Variants in PARD3B observed in about 807,000 individuals in gnomAD.
The protein encoded by PARD3B is partitioning defective 3 homolog B.
Under a neutral mutation model 130.2 loss-of-function variants are expected in PARD3B, and 103 were observed. That is an observed-to-expected ratio of 0.79 (90% CI 0.67 to 0.93). The LOEUF (loss-of-function observed/expected upper bound fraction) is 0.93. PARD3B is among the 40% of genes least tolerant of loss of function. The pLI is 0.00. For synonymous variants in PARD3B, 583 were observed against 553.2 expected, an observed-to-expected ratio of 1.05 and a Z score of -0.76; for missense variants, 1,609 against 1,499.2, an observed-to-expected ratio of 1.07 and a Z score of -1.21.
chr2:205,543,085 A>C (rs1243961031), intron 21 of PARD3B, among the ~76,000 whole-genome samples: 4 of 152,240 alleles, frequency 2.6e-5, no homozygotes, highest in Admixed American at 1.3e-4. Flanking sequence ...TCATTGGCTC[A>C]GTAAATATTA....
intron 16 of PARD3B, among the ~76,000 whole-genome samples, chr2:205,255,523 A>G (rs1469157133): frequency 1.3e-5 from 2 of 152,096 alleles, no homozygotes; most frequent in Non-Finnish European, 2.9e-5. Context: ...TTAAGCTCTT[A>G]GTTCCACAAG....
intron 3 of PARD3B, among the ~76,000 whole-genome samples, chr2:205,004,087 A>T (rs1399178111): frequency 6.6e-6 from 1 of 152,190 alleles, no homozygotes. Flanking sequence ...GTAATTCAGG[A>T]TCCAGGCTAG....
At chr2:204,716,318 G>A (rs146798997) in intron 2 of PARD3B, among the ~76,000 whole-genome samples, 4 of 152,092 alleles carry the variant, frequency 2.6e-5, no homozygotes, top group East Asian at 3.9e-4. Flanking sequence ...AGAGTCTTGG[G>A]CCCCACTCTG....
rs529503764 is a variant in PARD3B at position 205,008,460 on chromosome 2, G to T, written c.395-39121G>T. ...TTTTCCTTTAAATGGAAAAAAATGT[G>T]CCTTTCACTGCCCTCAACAACGTTG... On this transcript the variant is annotated intron_variant, in intron 3 of 22. Coordinates refer to ENST00000406610, the MANE Select transcript of PARD3B (RefSeq NM_001302769.2). 2.0e-5 allele frequency among the ~76,000 whole-genome samples: 3 copies of T among 152,112 alleles called. No individual in the cohort carries two copies. In the East Asian group the frequency reaches 5.8e-4, roughly 29 times the overall value.
rs3048088 is a variant in PARD3B, at chr2:205,302,065, CTTTTTTTT to C, written c.2630+380_2630+387del. ...CTATTCTTTTTTTCTTTTTTCTTTTCTTTTTTTTTTTTTTTTTTTTTTTGAGACAGTCG... is the reference window on the plus strand; with the variant it reads ...CTATTCTTTTTTTCTTTTTTCTTTTCTTTTTTTTTTTTTTTGAGACAGTCG... On this transcript the variant is annotated intron_variant, in intron 18 of 22. Coordinates refer to ENST00000406610, the MANE Select transcript of PARD3B (RefSeq NM_001302769.2). 6.6e-3 allele frequency among the ~76,000 whole-genome samples: 513 copies of C among 77,788 alleles called. 5 individuals are homozygous for C. Among genetic ancestry groups the C allele is most frequent in the Non-Finnish European group, 9.0e-3 (407 of 45,050 alleles). 51.0% of individuals were successfully genotyped at this position (77,788 alleles called of 152,430 possible).
At chr2:205,041,882 C>T (rs1698418605) in intron 3 of PARD3B, among the ~76,000 whole-genome samples, 1 of 152,048 alleles carries the variant, frequency 6.6e-6, no homozygotes, top group Non-Finnish European at 1.5e-5. Flanking sequence ...TGGTTTCAAT[C>T]TCTATAACTG....
intron 1 of PARD3B, among the ~76,000 whole-genome samples, chr2:204,551,625 T>G (rs1162346325): frequency 6.6e-6 from 1 of 152,020 alleles, no homozygotes; most frequent in Non-Finnish European, 1.5e-5. Flanking sequence ...TAGGGTTTGC[T>G]GAACCGGGTT....
At chr2:204,927,622 T>C (rs939318013) in intron 2 of PARD3B, among the ~76,000 whole-genome samples, 4 of 151,998 alleles carry the variant, frequency 2.6e-5, no homozygotes, top group Non-Finnish European at 5.9e-5. Context: ...GTTAAACTCA[T>C]GTAGTAATGG....
chr2:204,771,956 A>AT (rs1390683429), intron 2 of PARD3B, among the ~76,000 whole-genome samples: 22 of 152,118 alleles, frequency 1.4e-4, no homozygotes, highest in Non-Finnish European at 2.4e-4. Flanking sequence ...CTTTTTCTGT[A>AT]TTTGATTTTA....
intron 2 of PARD3B, among the ~76,000 whole-genome samples, chr2:204,816,940 T>C (rs1207273264): frequency 6.6e-6 from 1 of 152,088 alleles, no homozygotes; most frequent in Non-Finnish European, 1.5e-5. Context: ...TTCCCTCTTT[T>C]TGTTTCATAT....
At chr2:205,489,358 TC>T (rs1432419223) in intron 20 of PARD3B, among the ~76,000 whole-genome samples, 1 of 151,732 alleles carries the variant, frequency 6.6e-6, no homozygotes, top group African/African-American at 2.4e-5. Flanking sequence ...ACACCTATAA[TC>T]CCAGTGCTTT....
At chr2:205,566,702 T>C (rs73985047) in intron 22 of PARD3B, among the ~76,000 whole-genome samples, 20 of 152,186 alleles carry the variant, frequency 1.3e-4, no homozygotes, top group African/African-American at 4.6e-4. Flanking sequence ...ATTAAGCAAA[T>C]GTGTATTCAT....
chr2:204,693,976 CAATG>C (rs995902680), intron 2 of PARD3B, among the ~76,000 whole-genome samples: 3 of 152,014 alleles, frequency 2.0e-5, no homozygotes, highest in African/African-American at 7.2e-5. Flanking sequence ...TAATTACAGT[CAATG>C]AATGAACGTA....
At chr2:204,800,324 A>G (rs922916147) in intron 2 of PARD3B, among the ~76,000 whole-genome samples, 1 of 152,150 alleles carries the variant, frequency 6.6e-6, no homozygotes, top group Non-Finnish European at 1.5e-5. Flanking sequence ...ATATTTAAAA[A>G]TACAAAGTTG....
chr2:204,873,740 A>G (rs13423367), intron 2 of PARD3B, among the ~76,000 whole-genome samples: 383 of 152,298 alleles, frequency 2.5e-3, no homozygotes, highest in African/African-American at 8.6e-3. Context: ...GTTACACCTG[A>G]GTCCACGTAA....
intron 3 of PARD3B, among the ~76,000 whole-genome samples, chr2:204,984,272 A>G (rs1692934383): frequency 6.6e-6 from 1 of 152,182 alleles, no homozygotes; most frequent in African/African-American, 2.4e-5. Context: ...GTAATAGTCA[A>G]GATTTTTCAA....
intron 4 of PARD3B, among the ~76,000 whole-genome samples, chr2:205,102,716 T>A (rs13430090): frequency 0.14 from 21,289 of 152,140 alleles, 1,597 homozygotes; most frequent in East Asian, 0.17. Flanking sequence ...ACATTTTTTT[T>A]AACTCATTTC....
intron 2 of PARD3B, among the ~76,000 whole-genome samples, chr2:204,949,316 C>G (rs951649252): frequency 1.1e-4 from 16 of 151,576 alleles, no homozygotes; most frequent in African/African-American, 3.4e-4. Context: ...TTTTCTCTTT[C>G]TTTCTTTCTT....
chr2:205,423,424 T>C (rs2047040333), intron 19 of PARD3B, among the ~76,000 whole-genome samples: 1 of 152,194 alleles, frequency 6.6e-6, no homozygotes, highest in Non-Finnish European at 1.5e-5. Context: ...TCATCTAGCC[T>C]AGTGCAGTTC....
Sources: allele counts gnomAD v4.1 joint callset (sites outside exome capture counted in the v4.1 genomes callset), GRCh38; gene constraint gnomAD v4.1.1; transcripts MANE v1.5; gene names NCBI Gene and HGNC (gene_info 2026-07-23, HGNC 2026-07-21).